The following HELQ variants were observed in gnomAD, a reference collection of about 807,000 sequenced individuals.
HELQ encodes the protein helicase, POLQ like.
In HELQ, 77 loss-of-function variants were observed where a neutral mutation model predicts 111.6. The observed-to-expected ratio is 0.69, with a 90% CI of 0.57 to 0.83. The LOEUF (loss-of-function observed/expected upper bound fraction) is 0.83. Among genes scored for constraint, HELQ ranks in the 40% least tolerant of loss-of-function variants. The pLI is 0.00. For missense variants in HELQ, 1,200 were observed against 1,288.5 expected (o/e 0.93, Z 1.05); for synonymous variants, 438 against 454.7 (o/e 0.96, Z 0.47).
intron 14 of HELQ, among the ~76,000 whole-genome samples, chr4:83,422,154 A>C (rs950405593): frequency 6.6e-6 from 1 of 152,134 alleles, no homozygotes; most frequent in South Asian, 2.1e-4. Flanking sequence ...CAGGAGACAG[A>C]GGTTGCAGGG....
Position 83,421,631 on chromosome 4 carries a change from G to A in HELQ, c.2881C>T (p.Arg961Ter), listed in dbSNP as rs754151340. 10 of 1,613,154 alleles carry A rather than the reference G, an allele frequency of 6.2e-6. No individual in the cohort carries two copies. The highest frequency in any genetic ancestry group is 4.4e-5 in the South Asian group (4 of 91,066). ...GTGAGAAGATTTTGTATATATCCTC[G>A]AGGCATATTAAATTTTTCAGATACA... ...WTVSEKFNMP[R>*]GYIQNLLTGT... The change falls in exon 15 of 18, where the codon CGA (arginine) becomes TGA (stop). Residue 961 changes from arginine to a stop codon, truncating the protein, a stop_gained. Transcript: ENST00000295488. LOFTEE classifies it high-confidence loss of function.
At chr4:83,415,626 T>C (rs1357775113) in intron 17 of HELQ, among the ~76,000 whole-genome samples, 2 of 150,254 alleles carry the variant, frequency 1.3e-5, no homozygotes, top group East Asian at 3.9e-4. Context: ...CAATGAACCC[T>C]TGAAATTGTC....
intron 11 of HELQ, among the ~76,000 whole-genome samples, chr4:83,431,042 C>T (rs1720116044): frequency 6.6e-6 from 1 of 152,164 alleles, no homozygotes; most frequent in Admixed American, 6.5e-5. Flanking sequence ...ACTGATGCCC[C>T]AACTTGGAAG....
intron 15 of HELQ, 115 bp downstream of exon 15, chr4:83,421,448 C>G (rs545938959): frequency 2.8e-6 from 2 of 725,360 alleles, no homozygotes; most frequent in South Asian, 4.0e-5. Context: ...TCTGTAATAA[C>G]AGAATATGTC....
intron 9 of HELQ, among the ~76,000 whole-genome samples, chr4:83,436,455 A>T (rs535559438): frequency 6.6e-6 from 1 of 152,284 alleles, no homozygotes; most frequent in African/African-American, 2.4e-5. Context: ...GGCCTGCTTT[A>T]AAATACATAT....
In HELQ at chr4:83,455,752, T is replaced by C. The variant is rs745711054; in HGVS notation, c.-59A>G. On this transcript the variant is annotated 5_prime_UTR_variant, in exon 1 of 18. The change creates a new upstream start codon in the 5' untranslated region. Transcript: ENST00000295488. ...CTCAGTGACCCAGACGCTAAGCCCA[T>C]ATGGAAGGGAGAGTGGGACGCCGGA... 2.6e-5 allele frequency: 40 copies of C among 1,510,594 alleles called. No individual in the cohort carries two copies. Among genetic ancestry groups the C allele is most frequent in the Middle Eastern group, 2.2e-4 (1 of 4,594 alleles). 93.6% of individuals were successfully genotyped at this position (1,510,594 alleles called of 1,614,324 possible).
At position 83,455,698 on chromosome 4, in the gene HELQ, A is replaced by C; in HGVS notation, c.-5T>G. On this transcript the variant is annotated 5_prime_UTR_variant, in exon 1 of 18. Coordinates refer to ENST00000295488, the MANE Select transcript of HELQ (RefSeq NM_133636.5). Reference sequence around the variant, plus strand: ...GCGGGAACCACATTCATCCATGGCAAGGACCCAGGGCCCTATTCAGACGTC... The same window carrying C: ...GCGGGAACCACATTCATCCATGGCACGGACCCAGGGCCCTATTCAGACGTC... The C allele has an allele frequency of 6.2e-7, 1 of 1,602,590 alleles. No homozygotes were observed. The highest frequency in any genetic ancestry group is 8.5e-7 in the Non-Finnish European group (1 of 1,179,550).
At chr4:83,445,584 T>C (rs115367841) in intron 5 of HELQ, among the ~76,000 whole-genome samples, 3,643 of 152,214 alleles carry the variant, frequency 0.024, 137 homozygotes, top group African/African-American at 0.083. Context: ...AATATTATTA[T>C]TATAATATTT....
At chr4:83,415,929 G>T (rs1018718957) in intron 17 of HELQ, among the ~76,000 whole-genome samples, 11 of 147,494 alleles carry the variant, frequency 7.5e-5, no homozygotes, top group Non-Finnish European at 1.5e-5. Flanking sequence ...TTATAGGTGT[G>T]AGCCACCGAA....
intron 17 of HELQ, among the ~76,000 whole-genome samples, chr4:83,408,323 C>A (rs987059252): frequency 6.6e-6 from 1 of 152,124 alleles, no homozygotes; most frequent in Non-Finnish European, 1.5e-5. Flanking sequence ...GTGATCTCAG[C>A]TCACTGCAAC....
chr4:83,434,548 G>A lies in HELQ; in HGVS notation c.2049-2281C>T, dbSNP rs556168232. ...TACAATCATAGCTAACTGCAGCCTC[G>A]ATGTCCTGGGCTCAAGCAATCTTCC... On this transcript the variant is annotated intron_variant, in intron 9 of 17. Transcript: ENST00000295488. Among the ~76,000 whole-genome samples, 6 of 151,726 alleles carry A rather than the reference G, an allele frequency of 4.0e-5. No individual in the cohort carries two copies. In the South Asian group the frequency reaches 1.2e-3, roughly 32 times the overall value.
At chr4:83,412,520 A>T (rs1739157725) in intron 17 of HELQ, among the ~76,000 whole-genome samples, 1 of 152,108 alleles carries the variant, frequency 6.6e-6, no homozygotes, top group Non-Finnish European at 1.5e-5. Flanking sequence ...TAATCTGATC[A>T]TTGGGTCTTA....
At chr4:83,414,324 A>C (rs34077115) in intron 17 of HELQ, among the ~76,000 whole-genome samples, 6,564 of 152,252 alleles carry the variant, frequency 0.043, 212 homozygotes, top group Non-Finnish European at 0.068. Flanking sequence ...CAAACTTCCC[A>C]GCATCCAGTG....
At chr4:83,433,598 G>A (rs182232306) in intron 9 of HELQ, among the ~76,000 whole-genome samples, 1 of 150,708 alleles carries the variant, frequency 6.6e-6, no homozygotes, top group Admixed American at 6.6e-5. Flanking sequence ...CCCAGGAGGC[G>A]GAGCTTGCAG....
At chr4:83,420,343 G>A (rs10001425) in intron 15 of HELQ, among the ~76,000 whole-genome samples, 1,922 of 152,266 alleles carry the variant, frequency 0.013, 38 homozygotes, top group African/African-American at 0.043. Context: ...TGGCAATCAA[G>A]AGAATATGGG....
chr4:83,433,006 A>T (rs1405274633), intron 9 of HELQ, among the ~76,000 whole-genome samples: 1 of 152,086 alleles, frequency 6.6e-6, no homozygotes, highest in Non-Finnish European at 1.5e-5. Flanking sequence ...GCTGCAGTAA[A>T]TCGTGATTAC....
intron 14 of HELQ, among the ~76,000 whole-genome samples, chr4:83,423,776 T>C (rs927200538): frequency 6.6e-6 from 1 of 152,100 alleles, no homozygotes; most frequent in African/African-American, 2.4e-5. Flanking sequence ...CTGTATATGA[T>C]GGCGGGCACC....
At chr4:83,419,558 T>G (rs1388709004) in intron 15 of HELQ, among the ~76,000 whole-genome samples, 1 of 150,850 alleles carries the variant, frequency 6.6e-6, no homozygotes, top group Non-Finnish European at 1.5e-5. Flanking sequence ...TTTCTTAGGA[T>G]TAGTCATCAA....
chr4:83,455,576 C>G lies in HELQ; in HGVS notation c.118G>C (p.Gly40Arg). ...TAAELVPGDEGKEEEEMVAEN... is the reference protein window; with the variant it reads ...TAAELVPGDERKEEEEMVAEN... ...GCCACCATTTCCTCCTCCTCTTTCC[C>G]CTCATCTCCGGGCACGAGCTCGGCC... is the stretch of plus-strand genomic sequence containing the variant. The change falls in exon 1 of 18, where the codon GGG becomes CGG. Residue 40 changes from glycine (G) to arginine (R), a missense_variant. Coordinates refer to ENST00000295488, the MANE Select transcript of HELQ (RefSeq NM_133636.5). The G allele has an allele frequency of 1.2e-6, 2 of 1,614,162 alleles. No homozygotes were observed. The highest frequency in any genetic ancestry group is 1.7e-6 in the Non-Finnish European group (2 of 1,180,028).
Sources: allele counts gnomAD v4.1 joint callset (sites outside exome capture counted in the v4.1 genomes callset), GRCh38; gene constraint gnomAD v4.1.1; transcripts MANE v1.5; gene names NCBI Gene and HGNC (gene_info 2026-07-23, HGNC 2026-07-21).